Variants in MLANA observed in about 807,000 individuals in gnomAD.
The protein encoded by MLANA is melanoma antigen recognized by T-cells 1.
MLANA carries 21 observed loss-of-function variants against 15.7 expected under a neutral mutation model. The observed-to-expected ratio is 1.33, with a 90% CI of 0.95 to 1.92. The LOEUF is 1.92. Ranked by LOEUF, MLANA falls within the 40% of genes most tolerant of loss-of-function variation. The pLI, the probability that MLANA is intolerant of heterozygous loss-of-function variation, is 0.00. For synonymous variants in MLANA, 56 were observed against 51.5 expected (o/e 1.09, Z -0.37); for missense variants, 164 against 143.8 (o/e 1.14, Z -0.72).
At chr9:5,892,590 C>G (rs1361665879) in intron 2 of MLANA, 39 bp downstream of exon 2, 4 of 1,580,296 alleles carry the variant, frequency 2.5e-6, no homozygotes, top group Non-Finnish European at 3.5e-6. Flanking sequence ...TTCCAGTTTG[C>G]CGTTTGCTGA....
chr9:5,906,184 C>T lies in MLANA; in HGVS notation c.175-701C>T, dbSNP rs1296897013. Among the ~76,000 whole-genome samples the T allele has an allele frequency of 6.6e-5, 9 of 136,516 alleles. No homozygotes were observed. The East Asian group carries it at 1.9e-3, about 28-fold the overall frequency. 89.6% of individuals were successfully genotyped at this position (136,516 alleles called of 152,430 possible). A position where few individuals can be genotyped will look rare whatever the true frequency, so the allele number is the denominator to read the frequency against. ...TAGGCAACTTAGCAAGATCATGTCT[C>T]TTAAAAAAAAAAAAAGAAAGAAAGA... is the stretch of plus-strand genomic sequence containing the variant. On this transcript the variant is annotated intron_variant, in intron 3 of 4. Transcript: ENST00000381477.
Position 5,906,943 on chromosome 9 carries a change from G to C in MLANA, c.233G>C (p.Gly78Ala). ...TTAACAAGAAGATGCCCACAAGAAGGGTTTGATCATCGGGACAGCAAAGTG... is the reference window on the plus strand; with the variant it reads ...TTAACAAGAAGATGCCCACAAGAAGCGTTTGATCATCGGGACAGCAAAGTG... ...CALTRRCPQE[G>A]FDHRDSKVSL... The change falls in exon 4 of 5, where the codon GGG becomes GCG. Residue 78 changes from glycine (G) to alanine (A), a missense_variant. By Grantham distance (60) the Gly-to-Ala change is moderately conservative. Coordinates refer to ENST00000381477, the MANE Select transcript of MLANA (RefSeq NM_005511.2). 2 of 1,597,730 alleles carry C rather than the reference G, an allele frequency of 1.3e-6. No individual in the cohort carries two copies. The highest frequency in any genetic ancestry group is 8.5e-7 in the Non-Finnish European group (1 of 1,173,504).
intron 1 of MLANA, among the ~76,000 whole-genome samples, chr9:5,892,196 C>G (rs1563807565): frequency 6.6e-6 from 1 of 152,092 alleles, no homozygotes; most frequent in Admixed American, 6.6e-5. Flanking sequence ...ACTTGCAAGT[C>G]TTTTTTGCTT....
chr9:5,906,858 A>G, intron 3 of MLANA, 27 bp from the exon 4 acceptor site: 1 of 1,417,876 alleles, frequency 7.1e-7, no homozygotes, highest in Non-Finnish European at 9.5e-7. Context: ...CTTCTCACCC[A>G]CTCACCTTTA....
At chr9:5,898,569 T>C (rs1832198532) in intron 3 of MLANA, among the ~76,000 whole-genome samples, 1 of 152,180 alleles carries the variant, frequency 6.6e-6, no homozygotes, top group Non-Finnish European at 1.5e-5. Flanking sequence ...CATAGCAGAC[T>C]TGGGTACCTG....
intron 2 of MLANA, among the ~76,000 whole-genome samples, chr9:5,892,991 C>A (rs16923633): frequency 0.054 from 8,236 of 152,220 alleles, 713 homozygotes; most frequent in African/African-American, 0.18. Context: ...AGCCCACAGC[C>A]AGACTCGAGA....
Position 5,908,737 on chromosome 9 carries a change from A to C in MLANA, c.*29A>C, listed in dbSNP as rs377636376. The stretch of plus-strand genomic sequence containing the variant: ...CCAGCGAGACACCTGAGACATGCTG[A>C]AATTATTTCTCTCACACTTTTGCTT... On this transcript the variant is annotated 3_prime_UTR_variant, in exon 5 of 5. Transcript: ENST00000381477. 1.8e-4 allele frequency: 284 copies of C among 1,587,906 alleles called. 1 individual carries two copies. Among genetic ancestry groups the C allele is most frequent in the African/African-American group, 4.7e-4 (35 of 74,320 alleles).
intron 3 of MLANA, among the ~76,000 whole-genome samples, chr9:5,905,046 T>G (rs764460399): frequency 1.3e-5 from 2 of 152,236 alleles, no homozygotes; most frequent in African/African-American, 2.4e-5. Flanking sequence ...GTGCTGCGAT[T>G]ACAGGTGTGA....
Position 5,897,540 on chromosome 9 carries a change from T to A in MLANA, c.78-17T>A. On this transcript the variant is annotated splice_polypyrimidine_tract_variant and intron_variant, in intron 2 of 4. Coordinates refer to ENST00000381477, the MANE Select transcript of MLANA (RefSeq NM_005511.2). ...ATGTTTCAATGACAAAGTGGATTTG[T>A]CTATCTCTTGGGCCAGGGCCGCTGG... 9.3e-6 allele frequency: 15 copies of A among 1,608,596 alleles called. No individual in the cohort carries two copies. The highest frequency in any genetic ancestry group is 1.3e-5 in the Non-Finnish European group (15 of 1,174,938).
intron 1 of MLANA, among the ~76,000 whole-genome samples, chr9:5,891,954 C>A (rs1488336125): frequency 1.3e-5 from 2 of 152,176 alleles, no homozygotes; most frequent in Non-Finnish European, 2.9e-5. Context: ...GCACAGGCAA[C>A]GGGTGCTCTG....
At chr9:5,902,573 A>C (rs1832508161) in intron 3 of MLANA, among the ~76,000 whole-genome samples, 1 of 151,732 alleles carries the variant, frequency 6.6e-6, no homozygotes, top group Admixed American at 6.6e-5. Context: ...CAAGCACTCC[A>C]ATCCTCCTGG....
intron 3 of MLANA, among the ~76,000 whole-genome samples, chr9:5,900,680 T>C (rs1206203930): frequency 5.3e-5 from 8 of 152,206 alleles, no homozygotes; most frequent in Middle Eastern, 3.2e-3. Flanking sequence ...GGTTGGAATT[T>C]AGATCTCTTA....
intron 2 of MLANA, among the ~76,000 whole-genome samples, chr9:5,896,698 T>C (rs893138917): frequency 6.6e-6 from 1 of 152,226 alleles, no homozygotes; most frequent in Non-Finnish European, 1.5e-5. Context: ...TGATGATGCT[T>C]GCCCGGAGTG....
At chr9:5,897,172 T>C (rs977477692) in intron 2 of MLANA, among the ~76,000 whole-genome samples, 2 of 152,248 alleles carry the variant, frequency 1.3e-5, no homozygotes, top group African/African-American at 4.8e-5. Context: ...TTAATTTCTA[T>C]TTTCTCTTTG....
chr9:5,903,328 T>C (rs1209107671), intron 3 of MLANA, among the ~76,000 whole-genome samples: 2 of 152,222 alleles, frequency 1.3e-5, no homozygotes, highest in Non-Finnish European at 2.9e-5. Context: ...AGATGTCTAT[T>C]ATATCTAGTT....
At chr9:5,908,594 C>A in intron 4 of MLANA, 46 bp from the exon 5 acceptor site, 3 of 1,490,682 alleles carry the variant, frequency 2.0e-6, no homozygotes, top group Non-Finnish European at 2.8e-6. Context: ...CCTAGAAACA[C>A]ATACACTGTT....
At position 5,908,689 on chromosome 9, in the gene MLANA, C is replaced by T. The variant is rs1344694738; in HGVS notation, c.338C>T (p.Pro113Leu). 6.8e-6 allele frequency: 11 copies of T among 1,613,888 alleles called. No homozygotes were observed. The highest frequency in any genetic ancestry group is 6.7e-5 in the African/African-American group (5 of 74,880). The change falls in exon 5 of 5, where the codon CCA (proline) becomes CTA (leucine). Residue 113 changes from proline (P) to leucine (L), a missense_variant. Transcript: ENST00000381477. ...GAGAAACTCTCTGCAGAACAGTCAC[C>T]ACCACCTTATTCACCTTAAGAGCCA... The part of the protein sequence containing the change: ...AYEKLSAEQS[P>L]PPYSP
At chr9:5,907,579 C>G (rs1020235285) in intron 4 of MLANA, among the ~76,000 whole-genome samples, 1 of 152,120 alleles carries the variant, frequency 6.6e-6, no homozygotes. Flanking sequence ...AATAAATATT[C>G]TGAAAATATT....
At chr9:5,901,943 C>T (rs1342053742) in intron 3 of MLANA, among the ~76,000 whole-genome samples, 1 of 152,104 alleles carries the variant, frequency 6.6e-6, no homozygotes, top group East Asian at 1.9e-4. Flanking sequence ...TTTTTTGCAT[C>T]TGTATTCATG....
Sources: gnomAD v4.1 joint callset for allele counts (sites outside exome capture counted in the v4.1 genomes callset) on GRCh38, gnomAD v4.1.1 for gene constraint, MANE v1.5 for transcripts, NCBI Gene and HGNC (gene_info 2026-07-23, HGNC 2026-07-21) for gene names.